Variants in NUBPL observed in about 807,000 individuals in gnomAD.
The protein encoded by NUBPL is NUBP iron-sulfur cluster assembly factor, mitochondrial.
Under a neutral mutation model 45.7 loss-of-function variants are expected in NUBPL, and 31 were observed. That is an observed-to-expected ratio of 0.68 (90% CI 0.51 to 0.92). The LOEUF (loss-of-function observed/expected upper bound fraction) is 0.92, where lower values mean the gene tolerates loss of function less well. NUBPL is among the 40% of genes least tolerant of loss of function. NUBPL has a pLI of 0.00. For missense variants in NUBPL, 401 were observed against 398.7 expected, an observed-to-expected ratio of 1.01 and a Z score of -0.05; for synonymous variants, 144 against 140.9, an observed-to-expected ratio of 1.02 and a Z score of -0.15.
chr14:31,859,145 GA>G lies in NUBPL; in HGVS notation c.927del (p.Val310TrpfsTer2). 6.2e-7 allele frequency: 1 copy of G among 1,613,950 alleles called. No individual in the cohort carries two copies. The highest frequency in any genetic ancestry group is 8.5e-7 in the Non-Finnish European group (1 of 1,179,892). ...EAKAYLRIAV[E>X]VVRRLPSPSE ...CAAAGCTTACTTGAGGATTGCTGTGGAAGTGGTAAGAAGATTGCCATCACCT... is the reference window on the plus strand; with the variant it reads ...CAAAGCTTACTTGAGGATTGCTGTGGAGTGGTAAGAAGATTGCCATCACCT... On this transcript the variant is annotated frameshift_variant, in exon 11 of 11. Transcript: ENST00000281081. LOFTEE classifies it high-confidence loss of function.
intron 4 of NUBPL, among the ~76,000 whole-genome samples, chr14:31,667,490 T>G (rs2036462045): frequency 1.3e-5 from 2 of 152,026 alleles, no homozygotes; most frequent in African/African-American, 2.4e-5. Context: ...TCCATTGGGT[T>G]AGAACATGCT....
intron 3 of NUBPL, among the ~76,000 whole-genome samples, chr14:31,587,205 G>A (rs189690923): frequency 6.6e-6 from 1 of 152,204 alleles, no homozygotes; most frequent in Admixed American, 6.5e-5. Context: ...TCTGATACAC[G>A]TCTAGGGTTG....
At chr14:31,832,482 G>T (rs1010305780) in intron 8 of NUBPL, among the ~76,000 whole-genome samples, 1 of 152,076 alleles carries the variant, frequency 6.6e-6, no homozygotes, top group Non-Finnish European at 1.5e-5. Flanking sequence ...AGAAATAAGA[G>T]GTTAGGTTCT....
intron 4 of NUBPL, among the ~76,000 whole-genome samples, chr14:31,669,283 A>G (rs1381632949): frequency 6.6e-6 from 1 of 152,210 alleles, no homozygotes; most frequent in Admixed American, 6.5e-5. Context: ...TAATCACTTC[A>G]AACATTATTT....
intron 6 of NUBPL, 53 bp downstream of exon 6, chr14:31,673,627 A>G: frequency 1.4e-6 from 2 of 1,460,230 alleles, no homozygotes; most frequent in South Asian, 1.1e-5. Context: ...TGTGGTTAAT[A>G]CATTTGCTGA....
intron 3 of NUBPL, among the ~76,000 whole-genome samples, chr14:31,591,110 AT>A (rs1419764520): frequency 6.6e-6 from 1 of 152,294 alleles, no homozygotes; most frequent in East Asian, 1.9e-4. Flanking sequence ...TAGTAAGCAG[AT>A]AAAAAATTTT....
At chr14:31,793,436 G>C (rs1160961341) in intron 7 of NUBPL, among the ~76,000 whole-genome samples, 1 of 152,086 alleles carries the variant, frequency 6.6e-6, no homozygotes, top group Non-Finnish European at 1.5e-5. Context: ...AAATCACATA[G>C]CATAATATTT....
intron 4 of NUBPL, among the ~76,000 whole-genome samples, chr14:31,642,060 C>T (rs772314261): frequency 6.6e-6 from 1 of 152,094 alleles, no homozygotes; most frequent in African/African-American, 2.4e-5. Context: ...TGTTTGAACT[C>T]CTGCTATGTT....
chr14:31,859,164 C>T lies in NUBPL; in HGVS notation c.944C>T (p.Pro315Leu), dbSNP rs377308125. ...GCTGTGGAAGTGGTAAGAAGATTGCCATCACCTTCAGAATGATTCCCCAAG... is the reference window on the plus strand; with the variant it reads ...GCTGTGGAAGTGGTAAGAAGATTGCTATCACCTTCAGAATGATTCCCCAAG... ...RIAVEVVRRL[P>L]SPSE Residue 315 changes from proline (P) to leucine (L), a missense_variant, in exon 11 of 11, where the codon CCA becomes CTA. Physicochemically the swap from Pro to Leu is moderately conservative, Grantham distance 98. Transcript: ENST00000281081. 3 of 1,613,772 alleles carry T rather than the reference C, an allele frequency of 1.9e-6. No individual in the cohort carries two copies. The highest frequency in any genetic ancestry group is 1.3e-5 in the African/African-American group (1 of 74,936).
intron 6 of NUBPL, among the ~76,000 whole-genome samples, chr14:31,700,879 G>T (rs1595514017): frequency 6.6e-6 from 1 of 152,148 alleles, no homozygotes; most frequent in East Asian, 1.9e-4. Context: ...GACGGGTGCT[G>T]CCCCCTGCTC....
intron 7 of NUBPL, among the ~76,000 whole-genome samples, chr14:31,824,815 A>G (rs1397852310): frequency 6.6e-6 from 1 of 152,152 alleles, no homozygotes; most frequent in Admixed American, 6.5e-5. Flanking sequence ...ATACCAATTT[A>G]ACAGTTTGGG....
chr14:31,641,175 C>A (rs897725540), intron 4 of NUBPL, among the ~76,000 whole-genome samples: 1 of 152,170 alleles, frequency 6.6e-6, no homozygotes, highest in Non-Finnish European at 1.5e-5. Flanking sequence ...TGGTCTTGAT[C>A]TCTTGACCTT....
chr14:31,740,226 C>T (rs1046262834), intron 6 of NUBPL, among the ~76,000 whole-genome samples: 9 of 152,040 alleles, frequency 5.9e-5, no homozygotes, highest in East Asian at 3.9e-4. Context: ...TGTAAGAAAC[C>T]GCCTGTCTTC....
At chr14:31,606,125 A>C (rs1595359249) in intron 4 of NUBPL, among the ~76,000 whole-genome samples, 3 of 116,830 alleles carry the variant, frequency 2.6e-5, no homozygotes, top group Admixed American at 1.1e-4. Context: ...TGAGAGTATC[A>C]CTCTGTTGCC....
intron 3 of NUBPL, among the ~76,000 whole-genome samples, chr14:31,585,959 T>C (rs778080179): frequency 3.0e-4 from 46 of 152,192 alleles, no homozygotes; most frequent in Non-Finnish European, 6.2e-4. Flanking sequence ...ATGATTCTCA[T>C]TTAGCAACTA....
intron 6 of NUBPL, among the ~76,000 whole-genome samples, chr14:31,764,491 G>T (rs1162124666): frequency 6.6e-6 from 1 of 152,076 alleles, no homozygotes; most frequent in Non-Finnish European, 1.5e-5. Context: ...ACTCCATAAT[G>T]ATTATCCCAT....
At chr14:31,675,497 T>C (rs1219874872) in intron 6 of NUBPL, among the ~76,000 whole-genome samples, 2 of 152,250 alleles carry the variant, frequency 1.3e-5, no homozygotes, top group Non-Finnish European at 2.9e-5. Context: ...ACCTGATTCA[T>C]TGGCTCATTT....
intron 6 of NUBPL, among the ~76,000 whole-genome samples, chr14:31,770,557 A>G (rs1306162522): frequency 6.6e-6 from 1 of 152,222 alleles, no homozygotes. Flanking sequence ...GGAAGTTACG[A>G]AACTTGTGAC....
At chr14:31,597,562 C>G (rs181271126) in intron 3 of NUBPL, among the ~76,000 whole-genome samples, 1 of 152,178 alleles carries the variant, frequency 6.6e-6, no homozygotes, top group East Asian at 1.9e-4. Flanking sequence ...GTTCTTGTTT[C>G]ATGGAAACAT....
Sources: allele counts gnomAD v4.1 joint callset (sites outside exome capture counted in the v4.1 genomes callset), GRCh38; gene constraint gnomAD v4.1.1; transcripts MANE v1.5; gene names NCBI Gene and HGNC (gene_info 2026-07-23, HGNC 2026-07-21).